Variants in FAM107B observed in about 807,000 individuals in gnomAD.
FAM107B encodes protein FAM107B.
In FAM107B, 21 loss-of-function variants were observed where a neutral mutation model predicts 31.5. The observed-to-expected ratio is 0.67, with a 90% CI of 0.47 to 0.96. The LOEUF is 0.96. FAM107B is among the 40% of genes least tolerant of loss of function. FAM107B has a pLI of 0.00. For missense variants in FAM107B, 452 were observed against 377.1 expected, an observed-to-expected ratio of 1.20 and a Z score of -1.64; for synonymous variants, 157 against 141.5, an observed-to-expected ratio of 1.11 and a Z score of -0.78.
chr10:14,630,150 A>T (rs1443257741), intron 2 of FAM107B, among the ~76,000 whole-genome samples: 1 of 152,184 alleles, frequency 6.6e-6, no homozygotes. Context: ...AAGACTTTTA[A>T]GAAAACATGC....
chr10:14,541,087 A>C (rs1296053490), intron 2 of FAM107B, among the ~76,000 whole-genome samples: 2 of 152,144 alleles, frequency 1.3e-5, no homozygotes, highest in African/African-American at 2.4e-5. Flanking sequence ...CTAAGTACAG[A>C]ATCGATCATC....
chr10:14,578,789 A>G (rs1430126411), intron 2 of FAM107B, among the ~76,000 whole-genome samples: 10 of 152,220 alleles, frequency 6.6e-5, no homozygotes, highest in Non-Finnish European at 1.2e-4. Flanking sequence ...AAGTATGCAT[A>G]CCATTCCTGG....
chr10:14,723,531 C>T (rs542946285), intron 1 of FAM107B: 2 of 630,906 alleles, frequency 3.2e-6, no homozygotes, highest in South Asian at 3.2e-5. Flanking sequence ...CCAGCATACA[C>T]CACATCAAAC....
Position 14,774,559 on chromosome 10 carries a change from C to A in FAM107B, c.105G>T (p.Arg35Ser). The change falls in exon 1 of 5, where the codon AGG becomes AGT. Residue 35 changes from arginine to serine, a missense_variant. Physicochemically the swap from Arg to Ser is moderately radical, Grantham distance 110. Coordinates refer to ENST00000181796, the MANE Select transcript of FAM107B (RefSeq NM_031453.4). The stretch of plus-strand genomic sequence containing the variant: ...CGGACTGATTGAAGGAAGCACTCTC[C>A]CTCGTATTCCCAAAACAGGCGAGCA... Reference protein sequence around the residue: ...SALLACFGNTRESASFNQSGV... With the variant: ...SALLACFGNTSESASFNQSGV... The A allele has an allele frequency of 6.2e-7, 1 of 1,614,186 alleles. No individual in the cohort carries two copies. Among genetic ancestry groups the A allele is most frequent in the Middle Eastern group, 1.6e-4 (1 of 6,062 alleles).
At chr10:14,609,835 T>C (rs970636953) in intron 2 of FAM107B, among the ~76,000 whole-genome samples, 1 of 152,154 alleles carries the variant, frequency 6.6e-6, no homozygotes, top group Non-Finnish European at 1.5e-5. Context: ...TGCTCTTTAA[T>C]ATAAACATAG....
intron 1 of FAM107B, among the ~76,000 whole-genome samples, chr10:14,715,841 T>A (rs1855767120): frequency 6.6e-6 from 1 of 152,184 alleles, no homozygotes; most frequent in African/African-American, 2.4e-5. Flanking sequence ...GGTCACACCA[T>A]TGGCTTCCAT....
chr10:14,687,248 C>T lies in FAM107B; in HGVS notation c.412-19557G>A, dbSNP rs546204421. ...AATTACATGAACCTGACCAAATCCA[C>T]ACTTCCCCGGGCTTCATTTTCTCTT... On this transcript the variant is annotated intron_variant, in intron 1 of 4. Coordinates refer to ENST00000181796, the MANE Select transcript of FAM107B (RefSeq NM_031453.4). 1.2e-4 allele frequency among the ~76,000 whole-genome samples: 18 copies of T among 152,318 alleles called. No individual in the cohort carries two copies. In the East Asian group the frequency reaches 1.7e-3, roughly 15 times the overall value.
At chr10:14,746,295 A>C (rs575470423) in intron 1 of FAM107B, among the ~76,000 whole-genome samples, 7 of 152,188 alleles carry the variant, frequency 4.6e-5, no homozygotes, top group African/African-American at 1.7e-4. Context: ...GTCCATTTAC[A>C]ATTAAGGTTA....
chr10:14,665,476 T>C (rs1412818808), intron 2 of FAM107B, among the ~76,000 whole-genome samples: 2 of 152,218 alleles, frequency 1.3e-5, no homozygotes, highest in East Asian at 3.8e-4. Flanking sequence ...TCTCAGAACA[T>C]AGTGGGCACT....
intron 2 of FAM107B, among the ~76,000 whole-genome samples, chr10:14,639,907 G>A (rs1317203012): frequency 6.6e-6 from 1 of 152,138 alleles, no homozygotes; most frequent in Admixed American, 6.6e-5. Flanking sequence ...GTCTAACAAA[G>A]GCTTATCTTA....
At chr10:14,661,134 C>T (rs10906735) in intron 2 of FAM107B, among the ~76,000 whole-genome samples, 30,117 of 152,170 alleles carry the variant, frequency 0.2, 2,987 homozygotes, top group Middle Eastern at 0.27. Context: ...GCCTCCCCAG[C>T]CACGCTTCCT....
At chr10:14,689,437 A>G (rs1363576929) in intron 1 of FAM107B, among the ~76,000 whole-genome samples, 3 of 152,026 alleles carry the variant, frequency 2.0e-5, no homozygotes, top group African/African-American at 7.3e-5. Context: ...CTAGAGAAGG[A>G]AAGCAATCAT....
intron 1 of FAM107B, among the ~76,000 whole-genome samples, chr10:14,677,603 A>C (rs981529108): frequency 6.6e-6 from 1 of 152,120 alleles, no homozygotes; most frequent in African/African-American, 2.4e-5. Context: ...CCTGGGCGAC[A>C]GAGCGAGACT....
At chr10:14,720,365 T>G (rs1855883212) in intron 1 of FAM107B, among the ~76,000 whole-genome samples, 1 of 152,216 alleles carries the variant, frequency 6.6e-6, no homozygotes. Context: ...GTGATTCTCC[T>G]GCCTCGGGCT....
At chr10:14,748,543 G>A (rs534053834) in intron 1 of FAM107B, among the ~76,000 whole-genome samples, 15 of 152,208 alleles carry the variant, frequency 9.9e-5, no homozygotes, top group Non-Finnish European at 1.6e-4. Context: ...AGACTGAATG[G>A]GAAGCTAGCA....
intron 2 of FAM107B, among the ~76,000 whole-genome samples, chr10:14,636,712 T>A (rs550437821): frequency 7.9e-5 from 12 of 151,016 alleles, no homozygotes; most frequent in African/African-American, 2.2e-4. Context: ...GGTGGGGGAG[T>A]GGGTATGAAG....
intron 2 of FAM107B, chr10:14,604,169 G>A (rs1588653028): frequency 6.3e-6 from 6 of 955,284 alleles, no homozygotes; most frequent in Non-Finnish European, 7.4e-6. Context: ...GCCGGGGTCG[G>A]GCAGGGCCGC....
intron 1 of FAM107B, among the ~76,000 whole-genome samples, chr10:14,728,551 T>C (rs139984910): frequency 6.6e-6 from 1 of 152,134 alleles, no homozygotes; most frequent in South Asian, 2.1e-4. Flanking sequence ...ACTGAAAGCT[T>C]GTCAACAGCT....
chr10:14,535,570 A>AT lies in FAM107B; in HGVS notation c.470-5056dup, dbSNP rs1449711463. 5.3e-5 allele frequency among the ~76,000 whole-genome samples: 8 copies of AT among 151,704 alleles called. No homozygotes were observed. In the East Asian group the frequency reaches 7.7e-4, roughly 15 times the overall value. ...TCTTGGACCTATTCATGCAACTAAC[A>AT]TAAGAAGCTTCTGGAAAGTCTAAAA... On this transcript the variant is annotated intron_variant, in intron 2 of 4. Coordinates refer to ENST00000181796, the MANE Select transcript of FAM107B (RefSeq NM_031453.4).
Sources: gnomAD v4.1 joint callset for allele counts (sites outside exome capture counted in the v4.1 genomes callset) on GRCh38, gnomAD v4.1.1 for gene constraint, MANE v1.5 for transcripts, NCBI Gene and HGNC (gene_info 2026-07-23, HGNC 2026-07-21) for gene names.